KDM4C: variants seen among roughly 807,000 people sequenced by gnomAD.
KDM4C encodes the protein lysine-specific demethylase 4C.
Under a neutral mutation model 129.3 loss-of-function variants are expected in KDM4C, and 81 were observed. The ratio of observed to expected loss-of-function variants is 0.63; its 90% CI spans 0.52 to 0.75. KDM4C has a LOEUF of 0.75. Among genes scored for constraint, KDM4C ranks in the 30% least tolerant of loss-of-function variants. KDM4C has a pLI of 0.00. For synonymous variants in KDM4C, 573 were observed against 456.1 expected (o/e 1.26, Z -3.26); for missense variants, 1,457 against 1,304.0 (o/e 1.12, Z -1.81).
chr9:7,174,769 G>T lies in KDM4C; in HGVS notation c.*40G>T. 6.4e-7 allele frequency: 1 copy of T among 1,574,282 alleles called. No homozygotes were observed. Among genetic ancestry groups the T allele is most frequent in the South Asian group, 1.1e-5 (1 of 88,946 alleles). ...TGCAGGCCACAGAGCAGCTTGGGTTGGAAGAGAGAAGATGAAGGGACATCC... is the reference window on the plus strand; with the variant it reads ...TGCAGGCCACAGAGCAGCTTGGGTTTGAAGAGAGAAGATGAAGGGACATCC... On this transcript the variant is annotated 3_prime_UTR_variant, in exon 22 of 22. Coordinates refer to ENST00000381309, the MANE Select transcript of KDM4C (RefSeq NM_015061.6).
In KDM4C at chr9:6,990,626, G is replaced by T. The variant is rs553066061; in HGVS notation, c.1786+102G>T. 5 of 699,662 alleles carry T rather than the reference G, an allele frequency of 7.1e-6. No individual in the cohort carries two copies. The East Asian group carries it at 1.1e-4, about 15-fold the overall frequency. 43.3% of individuals were successfully genotyped at this position (699,662 alleles called of 1,614,324 possible). A position where few individuals can be genotyped will look rare whatever the true frequency, so the allele number is the denominator to read the frequency against. On this transcript the variant is annotated intron_variant, in intron 12 of 21. Coordinates refer to ENST00000381309, the MANE Select transcript of KDM4C (RefSeq NM_015061.6). ...GAATAGAAAAAAAATTCAACAAGTA[G>T]CAAATACGTACTATTAGGAGATCAT...
At chr9:6,856,539 CGTGTGTGTGTGTGTGTGTGTGTGTGTGT>C (rs201267627) in intron 5 of KDM4C, among the ~76,000 whole-genome samples, 4 of 131,546 alleles carry the variant, frequency 3.0e-5, no homozygotes, top group East Asian at 2.2e-4. Context: ...TCTCTGTGTG[CGTGTGTGTGTGTGTGTGTGTGTGTGTGT>C]GTGTGTGTGT....
intron 5 of KDM4C, among the ~76,000 whole-genome samples, chr9:6,877,543 AT>A (rs1212620609): frequency 6.6e-6 from 1 of 152,134 alleles, no homozygotes. Context: ...TGCAACTTGT[AT>A]TTAGAGAACA....
intron 19 of KDM4C, among the ~76,000 whole-genome samples, chr9:7,145,001 T>C (rs942842105): frequency 1.1e-4 from 17 of 152,196 alleles, no homozygotes; most frequent in African/African-American, 3.9e-4. Flanking sequence ...ATCCTTTCTA[T>C]GCATTTTGCT....
intron 1 of KDM4C, among the ~76,000 whole-genome samples, chr9:6,781,940 T>C (rs1253808311): frequency 6.6e-6 from 1 of 151,936 alleles, no homozygotes; most frequent in East Asian, 1.9e-4. Context: ...TTCTCCTGCC[T>C]CAGCCTCCTC....
chr9:7,121,847 C>T (rs938002238), intron 18 of KDM4C, among the ~76,000 whole-genome samples: 1 of 151,590 alleles, frequency 6.6e-6, no homozygotes, highest in African/African-American at 2.4e-5. Flanking sequence ...TAGGCCACTG[C>T]TTGAATTCTA....
At chr9:7,080,302 G>C (rs1472488406) in intron 17 of KDM4C, among the ~76,000 whole-genome samples, 1 of 152,142 alleles carries the variant, frequency 6.6e-6, no homozygotes, top group East Asian at 1.9e-4. Flanking sequence ...AGAGACCCTA[G>C]AGCCCAAATG....
upstream of KDM4C, among the ~76,000 whole-genome samples, chr9:6,754,906 A>G (rs568946000): frequency 2.0e-5 from 3 of 149,478 alleles, no homozygotes; most frequent in African/African-American, 7.4e-5. Context: ...AAAAAAAAGC[A>G]GCATATAAAT....
chr9:6,974,817 CAACTT>C (rs1832662803), intron 8 of KDM4C: 1 of 152,174 alleles, frequency 6.6e-6, no homozygotes, highest in Admixed American at 6.5e-5. Context: ...CAGAACAAAA[CAACTT>C]TATCTACCCC....
intron 18 of KDM4C, among the ~76,000 whole-genome samples, chr9:7,124,152 C>CG (rs1396971088): frequency 6.6e-6 from 1 of 151,960 alleles, no homozygotes; most frequent in African/African-American, 2.4e-5. Flanking sequence ...TGTAACACCC[C>CG]CAAGATCATC....
intron 19 of KDM4C, among the ~76,000 whole-genome samples, chr9:7,148,028 A>C (rs1405298771): frequency 6.6e-6 from 1 of 152,238 alleles, no homozygotes; most frequent in East Asian, 1.9e-4. Context: ...GTGTGAGCAC[A>C]GGGCCAGGCC....
chr9:6,725,084 C>T (rs1471094549), intron 1 of KDM4C, among the ~76,000 whole-genome samples: 1 of 152,122 alleles, frequency 6.6e-6, no homozygotes, highest in Non-Finnish European at 1.5e-5. Flanking sequence ...TTGCTTTCAT[C>T]ATCACATCTC....
intron 17 of KDM4C, among the ~76,000 whole-genome samples, chr9:7,093,492 GTTA>G (rs892618212): frequency 6.6e-6 from 1 of 152,062 alleles, no homozygotes; most frequent in African/African-American, 2.4e-5. Flanking sequence ...TGTGTGCGTG[GTTA>G]TTGTTACTGT....
intron 2 of KDM4C, among the ~76,000 whole-genome samples, chr9:6,797,592 G>T (rs747902565): frequency 6.6e-6 from 1 of 152,168 alleles, no homozygotes; most frequent in Admixed American, 6.6e-5. Context: ...TTTTATATAT[G>T]AAGTGGGTGA....
chr9:7,095,486 A>G (rs1338833495), intron 17 of KDM4C, among the ~76,000 whole-genome samples: 1 of 152,012 alleles, frequency 6.6e-6, no homozygotes, highest in African/African-American at 2.4e-5. Context: ...CCAATAGCAA[A>G]TCATACCTGA....
intron 1 of KDM4C, among the ~76,000 whole-genome samples, chr9:6,778,815 CTTT>C (rs34355554): frequency 1.7e-3 from 237 of 141,338 alleles, no homozygotes; most frequent in Middle Eastern, 3.7e-3. Flanking sequence ...GATTTGGTGC[CTTT>C]TTTTTTTTTT....
chr9:6,918,371 A>G (rs1316675141), intron 8 of KDM4C, among the ~76,000 whole-genome samples: 2 of 152,166 alleles, frequency 1.3e-5, no homozygotes, highest in East Asian at 1.9e-4. Context: ...TTATGGCTGC[A>G]TAGTATTCCA....
At chr9:6,786,176 A>G (rs534805177) in intron 1 of KDM4C, among the ~76,000 whole-genome samples, 119 of 152,258 alleles carry the variant, frequency 7.8e-4, no homozygotes, top group African/African-American at 2.7e-3. Flanking sequence ...AAGGAAGGCA[A>G]TGTTGGATAG....
intron 19 of KDM4C, among the ~76,000 whole-genome samples, chr9:7,164,600 C>T (rs1844173342): frequency 6.6e-6 from 1 of 152,184 alleles, no homozygotes; most frequent in Admixed American, 6.5e-5. Flanking sequence ...CCACCCAGCT[C>T]CACCCGCCGT....
Sources: allele counts gnomAD v4.1 joint callset (sites outside exome capture counted in the v4.1 genomes callset), GRCh38; gene constraint gnomAD v4.1.1; transcripts MANE v1.5; gene names NCBI Gene and HGNC (gene_info 2026-07-23, HGNC 2026-07-21).